ANKIB1: variants seen among roughly 807,000 people sequenced by gnomAD.
The protein encoded by ANKIB1 is ankyrin repeat and IBR domain containing 1.
In ANKIB1, 43 loss-of-function variants were observed where a neutral mutation model predicts 122.1. The observed-to-expected ratio is 0.35, with a 90% CI of 0.28 to 0.45. The LOEUF is 0.45. Among genes scored for constraint, ANKIB1 ranks in the 20% least tolerant of loss-of-function variants. ANKIB1 has a pLI of 1.00. For synonymous variants in ANKIB1, 390 were observed against 442.0 expected, an observed-to-expected ratio of 0.88 and a Z score of 1.48; for missense variants, 992 against 1,329.5, an observed-to-expected ratio of 0.75 and a Z score of 3.95.
At chr7:92,394,234 T>C (rs1444574739) in intron 17 of ANKIB1, among the ~76,000 whole-genome samples, 1 of 152,226 alleles carries the variant, frequency 6.6e-6, no homozygotes, top group African/African-American at 2.4e-5. Flanking sequence ...GTTGGAATTA[T>C]TACTTAAAAC....
intron 1 of ANKIB1, among the ~76,000 whole-genome samples, chr7:92,277,415 G>T (rs1801926339): frequency 1.3e-5 from 2 of 152,118 alleles, no homozygotes; most frequent in African/African-American, 4.8e-5. Flanking sequence ...ATTTACAGTG[G>T]CTTTATTCAG....
intron 17 of ANKIB1, among the ~76,000 whole-genome samples, chr7:92,394,131 C>G: frequency 6.6e-6 from 1 of 152,204 alleles, no homozygotes; most frequent in South Asian, 2.1e-4. Context: ...AGGCTATGTT[C>G]TTTCTTAATT....
At chr7:92,351,231 A>G (rs1803655076) in intron 8 of ANKIB1, 137 bp downstream of exon 8, 1 of 727,762 alleles carries the variant, frequency 1.4e-6, no homozygotes, top group Non-Finnish European at 2.0e-6. Flanking sequence ...TTATCAGAAA[A>G]GTTGCTTAAA....
Position 92,387,833 on chromosome 7 carries a change from C to T in ANKIB1, c.1788C>T (p.Asp596=). The T allele has an allele frequency of 1.2e-6, 2 of 1,611,542 alleles. No homozygotes were observed. The highest frequency in any genetic ancestry group is 1.7e-6 in the Non-Finnish European group (2 of 1,179,220). The change falls in exon 13 of 20, where the codon GAC becomes GAT. Residue 596 remains aspartate, a synonymous_variant. Transcript: ENST00000265742. ...AACACAAACGATTTCAGGAACTTGA[C>T]AGATTTATGCACTATTATACAAGAT... ...EKKHKRFQEL[D]RFMHYYTRFK...
chr7:92,385,570 T>A (rs1804619102), intron 11 of ANKIB1, among the ~76,000 whole-genome samples: 1 of 152,228 alleles, frequency 6.6e-6, no homozygotes, highest in Non-Finnish European at 1.5e-5. Context: ...GATGAGTTCA[T>A]GTCCTTTGTA....
chr7:92,366,603 A>G (rs114801083), intron 10 of ANKIB1, among the ~76,000 whole-genome samples: 2,308 of 152,236 alleles, frequency 0.015, 55 homozygotes, highest in African/African-American at 0.052. Context: ...TTTGTCTCCT[A>G]TCATGTTTTC....
intron 10 of ANKIB1, among the ~76,000 whole-genome samples, chr7:92,367,248 T>A (rs1804108689): frequency 6.6e-6 from 1 of 152,198 alleles, no homozygotes; most frequent in Non-Finnish European, 1.5e-5. Context: ...AAAGTCCCAG[T>A]TATTGTTAAG....
intron 9 of ANKIB1, among the ~76,000 whole-genome samples, chr7:92,359,836 T>C (rs1183736954): frequency 1.3e-5 from 2 of 152,186 alleles, no homozygotes; most frequent in Non-Finnish European, 2.9e-5. Flanking sequence ...TAGCACACTA[T>C]AGCCTCGAAC....
At chr7:92,349,417 A>G (rs955855024) in intron 7 of ANKIB1, among the ~76,000 whole-genome samples, 1 of 152,184 alleles carries the variant, frequency 6.6e-6, no homozygotes, top group Non-Finnish European at 1.5e-5. Context: ...CCAAGGTCTC[A>G]GTAAGGTTGT....
chr7:92,369,908 G>A (rs1804195052), intron 10 of ANKIB1, among the ~76,000 whole-genome samples: 1 of 152,076 alleles, frequency 6.6e-6, no homozygotes, highest in Admixed American at 6.5e-5. Context: ...GAAGGGAGAG[G>A]GAAGTTTATA....
chr7:92,276,301 A>G (rs577813737), intron 1 of ANKIB1, among the ~76,000 whole-genome samples: 1 of 152,260 alleles, frequency 6.6e-6, no homozygotes, highest in East Asian at 1.9e-4. Context: ...GTGTTTCCAA[A>G]CTCATTTACC....
Position 92,246,319 on chromosome 7 carries a change from G to A in ANKIB1, c.-291G>A. 1 of 410,496 alleles carries A rather than the reference G, an allele frequency of 2.4e-6. No homozygotes were observed. The highest frequency in any genetic ancestry group is 1.7e-5 in the South Asian group (1 of 58,668). 25.4% of individuals were successfully genotyped at this position (410,496 alleles called of 1,614,324 possible). A position where few individuals can be genotyped will look rare whatever the true frequency, so the allele number is the denominator to read the frequency against. On this transcript the variant is annotated 5_prime_UTR_variant, in exon 1 of 20. Transcript: ENST00000265742. ...TCGGCTCACGCAGCGCTTCCCGCGG[G>A]CCGCCAGTGCGCACCCTCGGCCACA...
chr7:92,390,256 A>G (rs1450931149), intron 15 of ANKIB1, 140 bp downstream of exon 15: 1 of 736,224 alleles, frequency 1.4e-6, no homozygotes, highest in African/African-American at 1.9e-5. Context: ...TGGTTTTTAA[A>G]TAAAGGAAAA....
intron 3 of ANKIB1, among the ~76,000 whole-genome samples, chr7:92,309,477 T>C (rs1802640059): frequency 6.6e-6 from 1 of 152,108 alleles, no homozygotes; most frequent in African/African-American, 2.4e-5. Flanking sequence ...CCTGGGGCTT[T>C]TTACACAAGC....
chr7:92,394,069 A>G (rs2115718467), intron 17 of ANKIB1, among the ~76,000 whole-genome samples: 1 of 152,264 alleles, frequency 6.6e-6, no homozygotes, highest in African/African-American at 2.4e-5. Flanking sequence ...GAAATAGCAT[A>G]AAGTCTGAGG....
At chr7:92,363,403 C>T (rs1398937867) in intron 10 of ANKIB1, among the ~76,000 whole-genome samples, 1 of 151,906 alleles carries the variant, frequency 6.6e-6, no homozygotes, top group African/African-American at 2.4e-5. Flanking sequence ...GAGCGAGACT[C>T]CGTCTCAAAA....
Position 92,329,514 on chromosome 7 carries a change from A to G in ANKIB1, c.787+1614A>G, listed in dbSNP as rs567946653. On this transcript the variant is annotated intron_variant, in intron 5 of 19. Transcript: ENST00000265742. ...CTGTGCATATTTATCTCATAAAATC[A>G]GTAGCTTCAAAAACCACCTAAACAA... is the stretch of plus-strand genomic sequence containing the variant. Among the ~76,000 whole-genome samples the G allele has an allele frequency of 4.6e-5, 7 of 152,342 alleles. No homozygotes were observed. The South Asian group carries it at 1.5e-3, about 32-fold the overall frequency.
intron 1 of ANKIB1, among the ~76,000 whole-genome samples, chr7:92,279,894 A>T (rs1801982745): frequency 6.6e-6 from 1 of 152,166 alleles, no homozygotes; most frequent in Admixed American, 6.5e-5. Context: ...ACACACATAC[A>T]CACACACATC....
At chr7:92,394,632 A>G (rs1228035313) in intron 17 of ANKIB1, among the ~76,000 whole-genome samples, 1 of 152,192 alleles carries the variant, frequency 6.6e-6, no homozygotes, top group Admixed American at 6.5e-5. Flanking sequence ...GAATTGAGAT[A>G]AAATTTTCAC....
Sources: allele counts gnomAD v4.1 joint callset (sites outside exome capture counted in the v4.1 genomes callset), GRCh38; gene constraint gnomAD v4.1.1; transcripts MANE v1.5; gene names NCBI Gene and HGNC (gene_info 2026-07-23, HGNC 2026-07-21).